Variants in TAF1 observed in about 807,000 individuals in gnomAD.
The protein encoded by TAF1 is transcription initiation factor TFIID subunit 1.
TAF1 carries 2 observed loss-of-function variants against 138.5 expected under a neutral mutation model. That is an observed-to-expected ratio of 0.01 (90% confidence interval 0.01 to 0.05). The LOEUF (loss-of-function observed/expected upper bound fraction) is 0.05. Ranked by LOEUF, TAF1 falls within the 10% of genes least tolerant of loss-of-function variation. The pLI is 1.00. For missense variants in TAF1, 709 were observed against 1,478.0 expected (o/e 0.48, Z 8.53); for synonymous variants, 437 against 503.2 (o/e 0.87, Z 1.76).
chrX:71,444,585 T>C (rs963160990), intron 32 of TAF1, among the ~76,000 whole-genome samples: 1 of 110,415 alleles, frequency 9.1e-6, no homozygotes, highest in African/African-American at 3.3e-5. Context: ...TGTTTGGGTG[T>C]GCATGCCCGT....
At chrX:71,394,508 C>A (rs986043260) in intron 22 of TAF1, among the ~76,000 whole-genome samples, 1 of 113,144 alleles carries the variant, frequency 8.8e-6, no homozygotes, top group Non-Finnish European at 1.9e-5. Flanking sequence ...TGCTGTACTT[C>A]AAATGAGCTT....
At chrX:71,394,021 C>T in intron 21 of TAF1, 46 bp from the exon 22 acceptor site, 1 of 1,128,241 alleles carries the variant, frequency 8.9e-7, no homozygotes, top group South Asian at 2.3e-5. Flanking sequence ...TTGCCTGCAA[C>T]CATATTTCTT....
rs1461435061 is a variant in TAF1 at position 71,388,766 on chromosome X, G to A, written c.2598G>A (p.Lys866=). The change falls in exon 17 of 38, where the codon AAG becomes AAA. Residue 866 remains lysine (K), a synonymous_variant. Transcript: ENST00000423759. ...TGMDSNWWVL[K]SDFRLPTEEE... is the part of the protein sequence containing the mutation. ...TGGACTCAAACTGGTGGGTGCTTAA[G>A]TCTGATTTTCGTTTACCAACGGAAG... is the stretch of plus-strand genomic sequence containing the variant. 3 of 1,210,010 alleles carry A rather than the reference G, an allele frequency of 2.5e-6. No homozygotes were observed. Among genetic ancestry groups the A allele is most frequent in the Non-Finnish European group, 3.4e-6 (3 of 895,289 alleles).
chrX:71,516,838 G>A lies in TAF1; in HGVS notation c.1367-11704G>A, dbSNP rs190552575. ...TCTTGCCTCAGCCTCCCCAGTAGCT[G>A]AGACTACAGGCTCCTGCCACCACTC... On this transcript the variant is annotated intron_variant and NMD_transcript_variant, in intron 13 of 14. Transcript: ENST00000373775. 7.2e-3 allele frequency among the ~76,000 whole-genome samples: 788 copies of A among 109,078 alleles called. 6 individuals carry two copies. The highest frequency in any genetic ancestry group is 0.025 in the African/African-American group (764 of 30,014). The allele number at this position is 109,078 out of a possible 115,157, so 94.7% of individuals were successfully genotyped here. A position where few individuals can be genotyped will look rare whatever the true frequency, so the allele number is the denominator to read the frequency against.
chrX:71,408,536 C>A (rs1414960113), intron 28 of TAF1, among the ~76,000 whole-genome samples: 1 of 111,175 alleles, frequency 9.0e-6, no homozygotes, highest in Non-Finnish European at 1.9e-5. Context: ...AGGCTTGTCT[C>A]TAACTCCTGA....
intron 37 of TAF1, 81 bp from the exon 38 acceptor site, chrX:71,463,743 T>C (rs745791137): frequency 6.2e-6 from 6 of 967,499 alleles, no homozygotes; most frequent in Non-Finnish European, 8.7e-6. Context: ...GATGGGCTGA[T>C]CCTTTGGTGG....
intron 24 of TAF1, among the ~76,000 whole-genome samples, chrX:71,399,567 C>CTTTTTTTTTT (rs35622645): frequency 6.9e-5 from 2 of 28,944 alleles, no homozygotes; most frequent in African/African-American, 1.4e-4. Context: ...GTTATTTATT[C>CTTTTTTTTTT]TTTTTTTTTT....
chrX:71,483,165 T>G (rs1324707645), intron 13 of TAF1, among the ~76,000 whole-genome samples: 4 of 98,668 alleles, frequency 4.1e-5, no homozygotes, highest in Non-Finnish European at 8.2e-5. Flanking sequence ...TTTTTTTTTT[T>G]TTTGTAGAGA....
At chrX:71,513,823 C>T (rs763334479) in intron 13 of TAF1, among the ~76,000 whole-genome samples, 63 of 111,401 alleles carry the variant, frequency 5.7e-4, no homozygotes, top group Admixed American at 1.1e-3. Context: ...ACTCTTCTAT[C>T]TAGCTAAAGG....
At chrX:71,380,834 G>T (rs893809448) in intron 8 of TAF1, among the ~76,000 whole-genome samples, 2 of 111,320 alleles carry the variant, frequency 1.8e-5, no homozygotes, top group African/African-American at 3.3e-5. Context: ...GGGATTATAG[G>T]CGTGCACCGC....
chrX:71,490,913 C>T (rs745995260), intron 13 of TAF1, among the ~76,000 whole-genome samples: 31 of 109,379 alleles, frequency 2.8e-4, no homozygotes, highest in African/African-American at 7.3e-4. Flanking sequence ...GATGGGGTTT[C>T]GCCATGTTCG....
Position 71,389,601 on chromosome X carries a change from A to G in TAF1, c.2717A>G (p.Glu906Gly). The change falls in exon 18 of 38, where the codon GAG (glutamate) becomes GGG (glycine). Residue 906 changes from glutamate (E) to glycine (G), a missense_variant. By Grantham distance (98) the Glu-to-Gly change is moderately conservative. This residue lies in a region of TAF1 where 23 missense variants were observed against 24.4 expected (regional missense o/e 0.94). Coordinates refer to ENST00000423759, the MANE Select transcript of TAF1 (RefSeq NM_004606.5). The part of the protein sequence containing the change: ...EQRLKDAGYG[E>G]KSFFAPEEEN... ...CTCTTCCAGGATGCTGGCTATGGTGAGAAATCCTTTTTTGCTCCAGAAGAA... is the reference window on the plus strand; with the variant it reads ...CTCTTCCAGGATGCTGGCTATGGTGGGAAATCCTTTTTTGCTCCAGAAGAA... The G allele has an allele frequency of 8.3e-7, 1 of 1,206,671 alleles. No homozygotes were observed. Among genetic ancestry groups the G allele is most frequent in the Middle Eastern group, 2.3e-4 (1 of 4,339 alleles).
At chrX:71,379,667 A>G (rs1248027887) in intron 8 of TAF1, among the ~76,000 whole-genome samples, 1 of 100,637 alleles carries the variant, frequency 9.9e-6, no homozygotes, top group Non-Finnish European at 2.0e-5. Flanking sequence ...TAGTGGCGCA[A>G]TCTCAGCTCA....
chrX:71,454,246 T>C lies in TAF1; in HGVS notation c.4821+9T>C. The C allele has an allele frequency of 8.3e-7, 1 of 1,206,486 alleles. No homozygotes were observed. Among genetic ancestry groups the C allele is most frequent in the East Asian group, 3.0e-5 (1 of 33,816 alleles). The stretch of plus-strand genomic sequence containing the variant: ...ACCAGACATTGACTGAGGTAGGTGG[T>C]AAAGATGGAGGTCCTAAGCCTGGGC... On this transcript the variant is annotated intron_variant, in intron 33 of 37. Transcript: ENST00000423759.
At chrX:71,476,448 C>T (rs1402875251) in intron 13 of TAF1, among the ~76,000 whole-genome samples, 3 of 109,745 alleles carry the variant, frequency 2.7e-5, no homozygotes, top group Non-Finnish European at 5.7e-5. Flanking sequence ...TCAGCCTGGG[C>T]AACATGATGA....
At chrX:71,379,128 T>TTTTTTTTTTC (rs2033688728) in intron 8 of TAF1, 97 bp downstream of exon 8, 1 of 774,755 alleles carries the variant, frequency 1.3e-6, no homozygotes, top group Non-Finnish European at 1.8e-6. Flanking sequence ...TTTTTTTTTT[T>TTTTTTTTTTC]CGGTGAGACA....
At chrX:71,499,377 A>G (rs1326819483) in intron 13 of TAF1, among the ~76,000 whole-genome samples, 1 of 111,838 alleles carries the variant, frequency 8.9e-6, no homozygotes, top group Non-Finnish European at 1.9e-5. Context: ...ATGCCTCCAG[A>G]TTTTGTTCAG....
At chrX:71,497,928 G>A (rs987253737) in intron 13 of TAF1, among the ~76,000 whole-genome samples, 2 of 111,861 alleles carry the variant, frequency 1.8e-5, no homozygotes, top group Non-Finnish European at 3.8e-5. Flanking sequence ...ATTCCTTGCT[G>A]ATGGCCCTGG....
chrX:71,483,151 CTTT>C (rs35875629), intron 13 of TAF1, among the ~76,000 whole-genome samples: 1 of 74,936 alleles, frequency 1.3e-5, no homozygotes, highest in Non-Finnish European at 2.5e-5. Context: ...TTTTTCTTTT[CTTT>C]TTTTTTTTTT....
Sources: allele counts gnomAD v4.1 joint callset (sites outside exome capture counted in the v4.1 genomes callset), GRCh38; gene constraint gnomAD v4.1.1; regional missense constraint gnomAD v4.1.1; transcripts MANE v1.5; gene names NCBI Gene and HGNC (gene_info 2026-07-23, HGNC 2026-07-21).